The following GABRG3 variants were observed in gnomAD, a reference collection of about 807,000 sequenced individuals.
The protein encoded by GABRG3 is gamma-aminobutyric acid receptor subunit gamma-3.
A neutral mutation model predicts 48.8 loss-of-function variants in GABRG3; 25 were observed. The ratio of observed to expected loss-of-function variants is 0.51; its 90% CI spans 0.37 to 0.72. The LOEUF (loss-of-function observed/expected upper bound fraction) is 0.72, where lower values mean the gene tolerates loss of function less well. Among genes scored for constraint, GABRG3 ranks in the 30% least tolerant of loss-of-function variants. The pLI is 0.00. For synonymous variants in GABRG3, 227 were observed against 217.6 expected (o/e 1.04, Z -0.38); for missense variants, 394 against 577.9 (o/e 0.68, Z 3.26).
intron 5 of GABRG3, among the ~76,000 whole-genome samples, chr15:27,402,762 A>C (rs1337058309): frequency 1.3e-5 from 2 of 152,246 alleles, no homozygotes; most frequent in African/African-American, 2.4e-5. Flanking sequence ...GTTAATAGAA[A>C]ATGCACAGGC....
At chr15:27,499,772 G>A (rs969315401) in intron 6 of GABRG3, among the ~76,000 whole-genome samples, 31 of 152,214 alleles carry the variant, frequency 2.0e-4, no homozygotes, top group African/African-American at 7.5e-4. Flanking sequence ...CCCTGTTCTG[G>A]GGGCCGAGGA....
At chr15:27,267,782 G>A (rs943578551) in intron 3 of GABRG3, among the ~76,000 whole-genome samples, 2 of 152,070 alleles carry the variant, frequency 1.3e-5, no homozygotes, top group Non-Finnish European at 2.9e-5. Context: ...CTATTGATAT[G>A]ATTATATGCT....
intron 3 of GABRG3, among the ~76,000 whole-genome samples, chr15:27,100,330 T>G (rs893072823): frequency 6.6e-6 from 1 of 152,266 alleles, no homozygotes; most frequent in Non-Finnish European, 1.5e-5. Context: ...GTAATTGAAT[T>G]AGTAATTAAT....
chr15:27,327,090 C>A, intron 4 of GABRG3, 61 bp downstream of exon 4: 4 of 1,403,446 alleles, frequency 2.9e-6, no homozygotes, highest in South Asian at 1.2e-5. Flanking sequence ...TAATTTGAAT[C>A]ACTGTAGGAA....
chr15:27,523,292 A>T (rs980990923), intron 7 of GABRG3, among the ~76,000 whole-genome samples: 1 of 151,002 alleles, frequency 6.6e-6, no homozygotes, highest in Non-Finnish European at 1.5e-5. Context: ...GTGGTTTTGT[A>T]TTTATATAAA....
intron 3 of GABRG3, among the ~76,000 whole-genome samples, chr15:27,036,429 A>G (rs1896179362): frequency 6.6e-6 from 1 of 152,202 alleles, no homozygotes; most frequent in Non-Finnish European, 1.5e-5. Flanking sequence ...GCGGTGGCTC[A>G]TGCCTATAAT....
At chr15:27,021,289 A>T (rs981793263) in intron 2 of GABRG3, among the ~76,000 whole-genome samples, 1 of 152,096 alleles carries the variant, frequency 6.6e-6, no homozygotes, top group African/African-American at 2.4e-5. Context: ...TTACAACTGC[A>T]ATTTTTACGA....
At chr15:27,029,332 T>C (rs1896039353) in intron 3 of GABRG3, among the ~76,000 whole-genome samples, 3 of 152,192 alleles carry the variant, frequency 2.0e-5, no homozygotes, top group Admixed American at 2.0e-4. Flanking sequence ...GGGATGGCAC[T>C]GTCTAGGCCA....
chr15:27,176,576 A>G (rs937886911), intron 3 of GABRG3, among the ~76,000 whole-genome samples: 8 of 152,346 alleles, frequency 5.3e-5, no homozygotes, highest in Admixed American at 3.9e-4. Flanking sequence ...TAAGAATAAC[A>G]GTTGTCACTT....
intron 2 of GABRG3, among the ~76,000 whole-genome samples, chr15:26,984,922 G>C (rs555410629): frequency 1.3e-5 from 2 of 152,288 alleles, no homozygotes; most frequent in South Asian, 4.1e-4. Context: ...CTGACTGATG[G>C]GTTCACTGAA....
chr15:27,386,858 G>A (rs1172599274), intron 5 of GABRG3, among the ~76,000 whole-genome samples: 1 of 152,170 alleles, frequency 6.6e-6, no homozygotes, highest in African/African-American at 2.4e-5. Context: ...CAGATACTCT[G>A]CCACCATAGA....
chr15:27,431,952 A>G (rs916287965), intron 5 of GABRG3, among the ~76,000 whole-genome samples: 1 of 152,050 alleles, frequency 6.6e-6, no homozygotes, highest in Non-Finnish European at 1.5e-5. Flanking sequence ...TGTATTTCCC[A>G]AATTTATTCC....
At chr15:27,531,012 C>T in intron 9 of GABRG3, 1 of 273,238 alleles carries the variant, frequency 3.7e-6, no homozygotes, top group South Asian at 3.5e-5. Context: ...GCGATGTTTA[C>T]ACCCACTCGG....
chr15:27,345,865 C>A (rs1259996291), intron 5 of GABRG3, among the ~76,000 whole-genome samples: 3 of 151,842 alleles, frequency 2.0e-5, no homozygotes, highest in African/African-American at 7.3e-5. Context: ...ACCAGCCTGG[C>A]CAATGTGGTG....
rs1887832772 is a variant in GABRG3, at chr15:27,412,678, C to T, written c.575-67972C>T. Among the ~76,000 whole-genome samples, 2 of 152,148 alleles carry T rather than the reference C, an allele frequency of 1.3e-5. 1 individual carries two copies. Among genetic ancestry groups the T allele is most frequent in the South Asian group, 4.1e-4 (2 of 4,832 alleles). ...GTGGAAGAGGCAGCGTGGTCTTAGA[C>T]CTTTGTGCTGAGCATTCTAATGCAA... On this transcript the variant is annotated intron_variant, in intron 5 of 9. Coordinates refer to ENST00000615808, the MANE Select transcript of GABRG3 (RefSeq NM_033223.5).
At chr15:27,513,342 C>T (rs1019699052) in intron 6 of GABRG3, among the ~76,000 whole-genome samples, 2 of 151,644 alleles carry the variant, frequency 1.3e-5, no homozygotes, top group South Asian at 2.1e-4. Flanking sequence ...CCCAGCTACT[C>T]GGGAGGCTGA....
At chr15:27,230,093 A>G (rs1286881488) in intron 3 of GABRG3, among the ~76,000 whole-genome samples, 1 of 152,084 alleles carries the variant, frequency 6.6e-6, no homozygotes, top group East Asian at 1.9e-4. Context: ...TGTAGTTCTC[A>G]TCGTAGAGAT....
At chr15:27,199,901 T>C (rs1888625017) in intron 3 of GABRG3, among the ~76,000 whole-genome samples, 1 of 151,576 alleles carries the variant, frequency 6.6e-6, no homozygotes, top group Non-Finnish European at 1.5e-5. Flanking sequence ...GCTTCCTTCC[T>C]TCCCTCTTTC....
intron 5 of GABRG3, among the ~76,000 whole-genome samples, chr15:27,449,775 G>A (rs748797848): frequency 9.9e-5 from 15 of 152,208 alleles, no homozygotes; most frequent in Non-Finnish European, 2.1e-4. Context: ...TACACGCTGA[G>A]TCGTACGGCA....
Sources: allele counts gnomAD v4.1 joint callset (sites outside exome capture counted in the v4.1 genomes callset), GRCh38; gene constraint gnomAD v4.1.1; transcripts MANE v1.5; gene names NCBI Gene and HGNC (gene_info 2026-07-23, HGNC 2026-07-21).